Variants in SLC26A4 observed in about 807,000 individuals in gnomAD.
SLC26A4 encodes the protein pendrin.
A neutral mutation model predicts 90.4 loss-of-function variants in SLC26A4; 93 were observed. The observed-to-expected ratio is 1.03, with a 90% CI of 0.87 to 1.22. SLC26A4 has a LOEUF of 1.22. SLC26A4 is among the 50% of genes most tolerant of loss of function. The probability of loss-of-function intolerance (pLI) is 0.00; values close to 1 mark genes in which losing one functional copy is unlikely to be tolerated. For missense variants in SLC26A4, 1,127 were observed against 946.2 expected, an observed-to-expected ratio of 1.19 and a Z score of -2.51; for synonymous variants, 393 against 354.6, an observed-to-expected ratio of 1.11 and a Z score of -1.22.
In SLC26A4 at chr7:107,683,920, C is replaced by G. The variant is rs114705501; in HGVS notation, c.1001+383C>G. 5.3e-3 allele frequency among the ~76,000 whole-genome samples: 814 copies of G among 152,288 alleles called. 8 individuals carry two copies. Among genetic ancestry groups the G allele is most frequent in the African/African-American group, 0.019 (791 of 41,560 alleles). ...ATCAGGGACGTCTGGCCTAAATTCT[C>G]TATCATTTAGTTTAATCAATTTTGG... On this transcript the variant is annotated intron_variant, in intron 8 of 20. Transcript: ENST00000644269.
rs1057516953 is a variant in SLC26A4, at chr7:107,663,412, C to G, written c.281C>G (p.Thr94Ser). Residue 94 changes from threonine (T) to serine (S), a missense_variant, in exon 3 of 21, where the codon ACT (threonine) becomes AGT (serine). By Grantham distance (58) the Thr-to-Ser change is moderately conservative. Transcript: ENST00000644269. ...AGTGACGTCATTTCGGGAGTTAGTA[C>G]TGGGCTAGTGGCCACGCTGCAAGGT... Reference protein sequence around the residue: ...LLSDVISGVSTGLVATLQGMA... With the variant: ...LLSDVISGVSSGLVATLQGMA... The G allele has an allele frequency of 6.2e-7, 1 of 1,613,968 alleles. No homozygotes were observed. The highest frequency in any genetic ancestry group is 1.7e-5 in the Admixed American group (1 of 59,998).
chr7:107,661,983 G>T lies in SLC26A4; in HGVS notation c.164+178G>T. 1.5e-6 allele frequency: 1 copy of T among 675,264 alleles called. No individual in the cohort carries two copies. The highest frequency in any genetic ancestry group is 1.9e-5 in the South Asian group (1 of 51,608). 41.8% of individuals were successfully genotyped at this position (675,264 alleles called of 1,614,324 possible). A position where few individuals can be genotyped will look rare whatever the true frequency, so the allele number is the denominator to read the frequency against. ...GGTCCTCCACGCCGCCCTTCTGGTG[G>T]GAGGGTGGCTCCATCAGTCTCGGGC... On this transcript the variant is annotated intron_variant, in intron 2 of 20. Coordinates refer to ENST00000644269, the MANE Select transcript of SLC26A4 (RefSeq NM_000441.2). The surrounding 1 kb of genome is among the most constrained non-coding windows in gnomAD (Gnocchi z 5.1).
intron 3 of SLC26A4, among the ~76,000 whole-genome samples, chr7:107,671,869 C>T (rs1790876454): frequency 2.0e-5 from 3 of 152,212 alleles, no homozygotes; most frequent in Admixed American, 2.0e-4. Context: ...GCTCAGAACA[C>T]TTACAATAAC....
At chr7:107,673,283 A>G (rs1308953612) in intron 4 of SLC26A4, among the ~76,000 whole-genome samples, 2 of 152,128 alleles carry the variant, frequency 1.3e-5, no homozygotes, top group African/African-American at 4.8e-5. Flanking sequence ...CAATTGCTGA[A>G]AAAAAAATAT....
intron 15 of SLC26A4, among the ~76,000 whole-genome samples, chr7:107,700,895 T>G (rs1279927297): frequency 6.6e-6 from 1 of 152,202 alleles, no homozygotes; most frequent in Non-Finnish European, 1.5e-5. Context: ...GCCTTTGATA[T>G]GCTACTGTCT....
rs1268256689 is a variant in SLC26A4 at position 107,661,711 on chromosome 7, C to G, written c.70C>G (p.Arg24Gly). The G allele has an allele frequency of 6.4e-7, 1 of 1,567,806 alleles. No individual in the cohort carries two copies. The highest frequency in any genetic ancestry group is 8.6e-7 in the Non-Finnish European group (1 of 1,160,440). ...GTACAGCTGCAGCTACATGGTGTCGCGGCCGGTCTACAGCGAGCTCGCTTT... is the reference window on the plus strand; with the variant it reads ...GTACAGCTGCAGCTACATGGTGTCGGGGCCGGTCTACAGCGAGCTCGCTTT... Reference protein sequence around the residue: ...PEYSCSYMVSRPVYSELAFQQ... With the variant: ...PEYSCSYMVSGPVYSELAFQQ... Residue 24 changes from arginine to glycine, a missense_variant, in exon 2 of 21, where the codon CGG (arginine) becomes GGG (glycine). By Grantham distance (125) the Arg-to-Gly change is moderately radical. Coordinates refer to ENST00000644269, the MANE Select transcript of SLC26A4 (RefSeq NM_000441.2). The surrounding 1 kb of genome is among the most constrained non-coding windows in gnomAD (Gnocchi z 5.1).
chr7:107,714,273 C>A (rs1792278553), intron 20 of SLC26A4, among the ~76,000 whole-genome samples: 1 of 152,066 alleles, frequency 6.6e-6, no homozygotes, highest in Non-Finnish European at 1.5e-5. Context: ...ACCCCAGTAC[C>A]CGTTACCTGG....
In SLC26A4 at chr7:107,679,962, CTT is replaced by C. The variant is rs1164963475; in HGVS notation, c.766-3239_766-3238del. On this transcript the variant is annotated intron_variant, in intron 6 of 20. Coordinates refer to ENST00000644269, the MANE Select transcript of SLC26A4 (RefSeq NM_000441.2). ...ATAATCTTATCTTATATAATATAAT[CTT>C]ATTATATAATATAATCTTATTATAT... 2.1e-3 allele frequency among the ~76,000 whole-genome samples: 247 copies of C among 120,488 alleles called. 1 individual carries two copies. Among genetic ancestry groups the C allele is most frequent in the Non-Finnish European group, 3.1e-3 (191 of 61,234 alleles). The allele number at this position is 120,488 out of a possible 152,430, so 79.0% of individuals were successfully genotyped here. A position where few individuals can be genotyped will look rare whatever the true frequency, so the allele number is the denominator to read the frequency against.
chr7:107,691,510 T>TACACACACACACACACAC lies in SLC26A4; in HGVS notation c.1263+1274_1263+1275insCACACACACACACACACA, dbSNP rs780039045. Among the ~76,000 whole-genome samples the TACACACACACACACACAC allele has an allele frequency of 1.1e-3, 54 of 51,204 alleles. 1 individual carries two copies. Among genetic ancestry groups the TACACACACACACACACAC allele is most frequent in the African/African-American group, 3.1e-3 (53 of 17,138 alleles). 33.6% of individuals were successfully genotyped at this position (51,204 alleles called of 152,430 possible). ...AGAGCTAGACTCTGTGTCAAATATA[T>TACACACACACACACACAC]ATATACACACACACACACACACACA... On this transcript the variant is annotated intron_variant, in intron 10 of 20. Transcript: ENST00000644269.
chr7:107,700,685 G>A (rs1791861256), intron 15 of SLC26A4, among the ~76,000 whole-genome samples: 1 of 152,184 alleles, frequency 6.6e-6, no homozygotes, highest in Non-Finnish European at 1.5e-5. Context: ...GCCATGCTAT[G>A]CTTTGAACTT....
chr7:107,701,940 T>C lies in SLC26A4; in HGVS notation c.1917T>C (p.Asp639=), dbSNP rs773019481. 3 of 1,613,128 alleles carry C rather than the reference T, an allele frequency of 1.9e-6. No individual in the cohort carries two copies. Among genetic ancestry groups the C allele is most frequent in the South Asian group, 1.1e-5 (1 of 91,054 alleles). ...CCAAGGAAATAGAGATTCAAGTGGA[T>C]TGGAACTCTGAGCTTCCAGTCAAAG... ...IPTKEIEIQV[D]WNSELPVKVN... Residue 639 remains aspartate (D), a synonymous_variant, in exon 17 of 21, where the codon GAT becomes GAC. Transcript: ENST00000644269.
chr7:107,710,073 G>A lies in SLC26A4; in HGVS notation c.2109G>A (p.Leu703=). The change falls in exon 19 of 21, where the codon CTG becomes CTA. Residue 703 remains leucine (L), a synonymous_variant. Transcript: ENST00000644269. ...TTGAAGATTATGTGATAGAAAAGCT[G>A]GAGCAATGCGGGTTCTTTGACGACA... The part of the protein sequence containing the change: ...ASLQDYVIEK[L]EQCGFFDDNI... The A allele has an allele frequency of 6.2e-7, 1 of 1,613,240 alleles. No individual in the cohort carries two copies. The highest frequency in any genetic ancestry group is 8.5e-7 in the Non-Finnish European group (1 of 1,179,232).
chr7:107,664,918 T>C (rs955306944), intron 3 of SLC26A4, among the ~76,000 whole-genome samples: 1 of 152,212 alleles, frequency 6.6e-6, no homozygotes, highest in East Asian at 1.9e-4. Flanking sequence ...ACACCTAATA[T>C]GTTCCAGGCA....
At chr7:107,698,263 G>A (rs1229157791) in intron 14 of SLC26A4, 152 bp downstream of exon 14, 5 of 698,072 alleles carry the variant, frequency 7.2e-6, no homozygotes, top group African/African-American at 7.1e-5. Context: ...TTTTGATCCA[G>A]TGCACCTTCT....
intron 10 of SLC26A4, 109 bp from the exon 11 acceptor site, chr7:107,694,294 G>T: frequency 1.2e-6 from 1 of 802,170 alleles, no homozygotes. Flanking sequence ...GGGAGACAGG[G>T]AAGTATGAAG....
At chr7:107,678,683 G>A (rs561831786) in intron 6 of SLC26A4, among the ~76,000 whole-genome samples, 1 of 151,932 alleles carries the variant, frequency 6.6e-6, no homozygotes, top group South Asian at 2.1e-4. Context: ...CACCCAAGTT[G>A]GAAAAGGTAT....
chr7:107,671,374 G>A (rs1405285515), intron 3 of SLC26A4, among the ~76,000 whole-genome samples: 1 of 152,028 alleles, frequency 6.6e-6, no homozygotes, highest in African/African-American at 2.4e-5. Flanking sequence ...TTTCCAGGCT[G>A]GTCTCAAACT....
rs1428840109 is a variant in SLC26A4 at position 107,690,251 on chromosome 7, C to G, written c.1263+14C>G. 7.2e-7 allele frequency: 1 copy of G among 1,389,584 alleles called. No individual in the cohort carries two copies. The highest frequency in any genetic ancestry group is 1.4e-5 in the African/African-American group (1 of 70,650). The allele number at this position is 1,389,584 out of a possible 1,614,324, so 86.1% of individuals were successfully genotyped here. A position where few individuals can be genotyped will look rare whatever the true frequency, so the allele number is the denominator to read the frequency against. ...GGAAAGACACAGGTAGGAACAACAGCCTTATGATATCCATCTCAGAGAACA... is the reference window on the plus strand; with the variant it reads ...GGAAAGACACAGGTAGGAACAACAGGCTTATGATATCCATCTCAGAGAACA... On this transcript the variant is annotated intron_variant, in intron 10 of 20. Transcript: ENST00000644269.
intron 16 of SLC26A4, 21 bp downstream of exon 16, chr7:107,701,217 T>C (rs764843072): frequency 1.4e-6 from 2 of 1,447,186 alleles, no homozygotes; most frequent in African/African-American, 2.8e-5. Flanking sequence ...ATCTTTCTTT[T>C]CCCCCTTAAA....
Sources: gnomAD v4.1 joint callset for allele counts (sites outside exome capture counted in the v4.1 genomes callset) on GRCh38, gnomAD v4.1.1 for gene constraint, Gnocchi (gnomAD v3.1) non-coding constraint, MANE v1.5 for transcripts, NCBI Gene and HGNC (gene_info 2026-07-23, HGNC 2026-07-21) for gene names.